Variants in XKR9 observed in about 807,000 individuals in gnomAD.
XKR9 encodes XK-related protein 9.
XKR9 carries 32 observed loss-of-function variants against 32.0 expected under a neutral mutation model. That is an observed-to-expected ratio of 1.00 (90% CI 0.76 to 1.34). The LOEUF is 1.34. XKR9 is among the 40% of genes most tolerant of loss of function. XKR9 has a pLI of 0.00. For synonymous variants in XKR9, 168 were observed against 143.4 expected, an observed-to-expected ratio of 1.17 and a Z score of -1.22; for missense variants, 546 against 429.7, an observed-to-expected ratio of 1.27 and a Z score of -2.39.
the XKR9 span, among the ~76,000 whole-genome samples, chr8:70,796,451 A>G: frequency 6.6e-6 from 1 of 151,832 alleles, no homozygotes; most frequent in African/African-American, 2.4e-5. Context: ...CATTTTAGTA[A>G]TTTGAGTCTT....
At chr8:71,014,947 T>A in the XKR9 span, among the ~76,000 whole-genome samples, 3 of 152,206 alleles carry the variant, frequency 2.0e-5, no homozygotes, top group Admixed American at 2.0e-4. Flanking sequence ...GCCAGATCCC[T>A]AACTCCTTTG....
At chr8:71,030,297 T>G in the XKR9 span, among the ~76,000 whole-genome samples, 1 of 152,204 alleles carries the variant, frequency 6.6e-6, no homozygotes, top group Admixed American at 6.5e-5. Flanking sequence ...CTTAGTTATA[T>G]AGTCCTTTCC....
At chr8:70,882,283 CT>C in the XKR9 span, among the ~76,000 whole-genome samples, 1 of 151,548 alleles carries the variant, frequency 6.6e-6, no homozygotes, top group Non-Finnish European at 1.5e-5. Context: ...ATAAAATAAA[CT>C]TTTATTTACA....
chr8:70,893,954 G>A, the XKR9 span, among the ~76,000 whole-genome samples: 2 of 151,952 alleles, frequency 1.3e-5, no homozygotes, highest in Non-Finnish European at 2.9e-5. Flanking sequence ...TAGATTGCCC[G>A]GAGAGTCAGG....
chr8:70,783,029 T>G (rs977937384), intron 2 of XKR9, among the ~76,000 whole-genome samples: 1 of 152,166 alleles, frequency 6.6e-6, no homozygotes, highest in African/African-American at 2.4e-5. Flanking sequence ...TAATTTACAT[T>G]CCTAGCAATA....
At chr8:70,974,550 T>G in the XKR9 span, among the ~76,000 whole-genome samples, 1 of 152,320 alleles carries the variant, frequency 6.6e-6, no homozygotes, top group East Asian at 1.9e-4. Context: ...GCTTCGTCCA[T>G]GTCCCTACAA....
At chr8:70,825,656 A>C in the XKR9 span, among the ~76,000 whole-genome samples, 1 of 152,044 alleles carries the variant, frequency 6.6e-6, no homozygotes, top group Non-Finnish European at 1.5e-5. Context: ...AGCTTCTTTT[A>C]ACTTGAGGCC....
At chr8:70,819,213 C>T in the XKR9 span, among the ~76,000 whole-genome samples, 5 of 152,198 alleles carry the variant, frequency 3.3e-5, no homozygotes, top group Non-Finnish European at 1.5e-5. Context: ...TCAGCTGCCC[C>T]TTTGTGTCTA....
chr8:70,755,916 T>TA (rs1194274370), intron 2 of XKR9, among the ~76,000 whole-genome samples: 1 of 151,686 alleles, frequency 6.6e-6, no homozygotes. Context: ...ATAATAATAA[T>TA]AATTAAAAAA....
the XKR9 span, among the ~76,000 whole-genome samples, chr8:71,018,641 C>T: frequency 2.0e-4 from 31 of 152,166 alleles, no homozygotes; most frequent in African/African-American, 7.5e-4. Context: ...GCACATAGTA[C>T]GTACTCAGTG....
At chr8:70,823,963 A>G in the XKR9 span, among the ~76,000 whole-genome samples, 2 of 152,180 alleles carry the variant, frequency 1.3e-5, no homozygotes, top group East Asian at 1.9e-4. Flanking sequence ...CTTGAAATCT[A>G]GTTTTTGTAG....
chr8:70,985,695 T>A, the XKR9 span, among the ~76,000 whole-genome samples: 2 of 152,110 alleles, frequency 1.3e-5, no homozygotes, highest in African/African-American at 4.8e-5. Context: ...CTACCCTCAA[T>A]TTTTTCTTTC....
intron 2 of XKR9, among the ~76,000 whole-genome samples, chr8:70,777,112 C>T (rs1807536458): frequency 6.6e-6 from 1 of 151,524 alleles, no homozygotes; most frequent in Non-Finnish European, 1.5e-5. Flanking sequence ...CTCCCAGACC[C>T]CACCCCGTGA....
At chr8:70,808,091 T>C in the XKR9 span, among the ~76,000 whole-genome samples, 7 of 152,086 alleles carry the variant, frequency 4.6e-5, no homozygotes, top group Non-Finnish European at 8.8e-5. Context: ...CGCAATCAAA[T>C]TAGAACTCAG....
intron 2 of XKR9, among the ~76,000 whole-genome samples, chr8:70,774,967 T>A (rs1352342084): frequency 6.6e-6 from 1 of 152,156 alleles, no homozygotes; most frequent in African/African-American, 2.4e-5. Flanking sequence ...GGATCAATTT[T>A]ATTGAGTTTC....
At chr8:70,903,466 G>A in the XKR9 span, among the ~76,000 whole-genome samples, 1 of 152,130 alleles carries the variant, frequency 6.6e-6, no homozygotes, top group African/African-American at 2.4e-5. Context: ...TTGTATTTCT[G>A]TGGGGTTGGT....
downstream of XKR9, among the ~76,000 whole-genome samples, chr8:70,790,751 GT>G (rs1283386444): frequency 6.6e-6 from 1 of 152,008 alleles, no homozygotes; most frequent in African/African-American, 2.4e-5. Flanking sequence ...AGGCATAATT[GT>G]CTTAGTACTT....
At chr8:70,974,385 C>G in the XKR9 span, among the ~76,000 whole-genome samples, 1 of 152,206 alleles carries the variant, frequency 6.6e-6, no homozygotes, top group African/African-American at 2.4e-5. Context: ...AATGCTCTCC[C>G]TCCCTGATCC....
intron 2 of XKR9, among the ~76,000 whole-genome samples, chr8:70,755,013 A>G (rs1173173230): frequency 6.6e-6 from 1 of 151,932 alleles, no homozygotes; most frequent in African/African-American, 2.4e-5. Context: ...CAACCTACTC[A>G]TCTGACAAAG....
Sources: allele counts gnomAD v4.1 joint callset (sites outside exome capture counted in the v4.1 genomes callset), GRCh38; gene constraint gnomAD v4.1.1; transcripts MANE v1.5; gene names NCBI Gene and HGNC (gene_info 2026-07-23, HGNC 2026-07-21).